Variants in KCNN2 observed in about 807,000 individuals in gnomAD.
KCNN2 encodes the protein small conductance calcium-activated potassium channel protein 2.
KCNN2 carries 24 observed loss-of-function variants against 55.5 expected under a neutral mutation model. The observed-to-expected ratio is 0.43, with a 90% CI of 0.31 to 0.61. KCNN2 has a LOEUF of 0.61. Ranked by LOEUF, KCNN2 falls within the 20% of genes least tolerant of loss-of-function variation. The pLI is 0.08. For synonymous variants in KCNN2, 431 were observed against 336.1 expected (o/e 1.28, Z -3.09); for missense variants, 754 against 853.6 (o/e 0.88, Z 1.45).
chr5:114,064,521 C>G (rs1241807253), intron 1 of KCNN2, among the ~76,000 whole-genome samples: 1 of 152,172 alleles, frequency 6.6e-6, no homozygotes, highest in Non-Finnish European at 1.5e-5. Context: ...GAGGGAAGCT[C>G]TCTTAGACCT....
At chr5:114,093,169 T>C (rs1346951685) in intron 1 of KCNN2, among the ~76,000 whole-genome samples, 1 of 152,182 alleles carries the variant, frequency 6.6e-6, no homozygotes, top group African/African-American at 2.4e-5. Flanking sequence ...CAAGTTCAAG[T>C]TCTCTCTCTG....
chr5:114,373,074 T>G (rs1179620575), intron 2 of KCNN2, among the ~76,000 whole-genome samples: 1 of 152,128 alleles, frequency 6.6e-6, no homozygotes, highest in Non-Finnish European at 1.5e-5. Context: ...TCCAAAAGTT[T>G]TTATCAGTCC....
intron 1 of KCNN2, among the ~76,000 whole-genome samples, chr5:114,221,027 A>G (rs1754127207): frequency 6.6e-6 from 1 of 152,220 alleles, no homozygotes; most frequent in Admixed American, 6.5e-5. Context: ...TAAATATGCT[A>G]GTAAAAATAA....
At chr5:114,190,107 C>T (rs542520075) in intron 1 of KCNN2, among the ~76,000 whole-genome samples, 1 of 152,156 alleles carries the variant, frequency 6.6e-6, no homozygotes, top group Non-Finnish European at 1.5e-5. Flanking sequence ...GTAGCTACCA[C>T]ACCTTAAATG....
chr5:114,058,866 T>G (rs1014006039), intron 1 of KCNN2, among the ~76,000 whole-genome samples: 4 of 152,122 alleles, frequency 2.6e-5, no homozygotes, highest in African/African-American at 9.7e-5. Context: ...GCCTCTGCAA[T>G]GGTAGAGGAG....
At chr5:114,181,603 A>AT (rs1242395814) in intron 1 of KCNN2, among the ~76,000 whole-genome samples, 3 of 152,082 alleles carry the variant, frequency 2.0e-5, no homozygotes, top group South Asian at 2.1e-4. Flanking sequence ...TAATTTATCA[A>AT]TTTTTTTATT....
intron 1 of KCNN2, among the ~76,000 whole-genome samples, chr5:114,124,293 A>G (rs1290106026): frequency 6.6e-6 from 1 of 152,216 alleles, no homozygotes; most frequent in African/African-American, 2.4e-5. Flanking sequence ...CAAATCACAA[A>G]TAATTCTTGA....
At chr5:114,418,645 C>T (rs1045045820) in intron 3 of KCNN2, among the ~76,000 whole-genome samples, 1 of 152,096 alleles carries the variant, frequency 6.6e-6, no homozygotes, top group African/African-American at 2.4e-5. Context: ...TGACAGAGCT[C>T]CAAAGTTTTT....
chr5:114,305,847 C>T (rs560891584), intron 2 of KCNN2, among the ~76,000 whole-genome samples: 1 of 152,286 alleles, frequency 6.6e-6, no homozygotes, highest in East Asian at 1.9e-4. Flanking sequence ...TAAATGTTTC[C>T]AGTCCACTAC....
chr5:114,351,060 AC>A (rs1282219080), intron 2 of KCNN2, among the ~76,000 whole-genome samples: 2 of 151,798 alleles, frequency 1.3e-5, no homozygotes, highest in African/African-American at 4.8e-5. Context: ...TGCCATTTTA[AC>A]AATATTAAGT....
At chr5:114,242,557 T>A (rs1346345688) in intron 2 of KCNN2, among the ~76,000 whole-genome samples, 3 of 152,192 alleles carry the variant, frequency 2.0e-5, no homozygotes, top group African/African-American at 7.2e-5. Context: ...TTCAACTATT[T>A]CTCTACTTAG....
chr5:114,129,677 G>A (rs953527905), intron 1 of KCNN2, among the ~76,000 whole-genome samples: 3 of 152,272 alleles, frequency 2.0e-5, no homozygotes, highest in South Asian at 4.1e-4. Flanking sequence ...CAGAGGTGAC[G>A]AAGTGAATAC....
At chr5:114,421,661 G>A (rs552954259) in intron 3 of KCNN2, among the ~76,000 whole-genome samples, 2 of 151,866 alleles carry the variant, frequency 1.3e-5, no homozygotes, top group Non-Finnish European at 2.9e-5. Context: ...CCAGGCTGGA[G>A]TGCAATGGCA....
intron 3 of KCNN2, among the ~76,000 whole-genome samples, chr5:114,443,141 A>G (rs1760278684): frequency 6.6e-6 from 1 of 152,054 alleles, no homozygotes; most frequent in African/African-American, 2.4e-5. Context: ...AAATACAAAA[A>G]TTAACTGGGC....
At chr5:114,466,491 AT>A (rs1489736880) in intron 4 of KCNN2, among the ~76,000 whole-genome samples, 61 of 152,148 alleles carry the variant, frequency 4.0e-4, no homozygotes, top group African/African-American at 1.3e-3. Flanking sequence ...ATATATATAT[AT>A]AAAACACATC....
intron 2 of KCNN2, among the ~76,000 whole-genome samples, chr5:114,283,199 G>A (rs1283388493): frequency 6.6e-6 from 1 of 151,852 alleles, no homozygotes; most frequent in Non-Finnish European, 1.5e-5. Context: ...ATTGGGCTGT[G>A]TCTTTTGATG....
chr5:114,448,487 T>C (rs1257931793), intron 3 of KCNN2, among the ~76,000 whole-genome samples: 1 of 152,206 alleles, frequency 6.6e-6, no homozygotes, highest in Non-Finnish European at 1.5e-5. Flanking sequence ...TCAAGCAAGG[T>C]GCAATTAGGA....
intron 1 of KCNN2, among the ~76,000 whole-genome samples, chr5:114,206,775 G>A (rs200958481): frequency 6.3e-5 from 7 of 111,292 alleles, no homozygotes; most frequent in Non-Finnish European, 1.2e-4. Flanking sequence ...TTTTTTTTTT[G>A]TCCAGGGAGT....
At chr5:114,473,505 G>A (rs940100218) in intron 5 of KCNN2, among the ~76,000 whole-genome samples, 3 of 152,148 alleles carry the variant, frequency 2.0e-5, no homozygotes, top group African/African-American at 7.2e-5. Flanking sequence ...TGATGGAAAC[G>A]TGATTGAAAA....
Sources: allele counts gnomAD v4.1 joint callset (sites outside exome capture counted in the v4.1 genomes callset), GRCh38; gene constraint gnomAD v4.1.1; transcripts MANE v1.5; gene names NCBI Gene and HGNC (gene_info 2026-07-23, HGNC 2026-07-21).